Variants in PGM2L1 observed in about 807,000 individuals in gnomAD.
PGM2L1 encodes the protein phosphoglucomutase 2 like 1, also known as glucose 1,6-bisphosphate synthase.
PGM2L1 carries 35 observed loss-of-function variants against 73.4 expected under a neutral mutation model. That is an observed-to-expected ratio of 0.48 (90% CI 0.36 to 0.63). The LOEUF (loss-of-function observed/expected upper bound fraction) is 0.63, where lower values mean the gene tolerates loss of function less well. PGM2L1 is among the 30% of genes least tolerant of loss of function. The pLI is 0.00. For missense variants in PGM2L1, 570 were observed against 742.0 expected, an observed-to-expected ratio of 0.77 and a Z score of 2.69; for synonymous variants, 225 against 253.8, an observed-to-expected ratio of 0.89 and a Z score of 1.08.
intron 5 of PGM2L1, among the ~76,000 whole-genome samples, chr11:74,356,229 A>C (rs970388911): frequency 6.6e-6 from 1 of 152,160 alleles, no homozygotes; most frequent in African/African-American, 2.4e-5. Context: ...GTGTAGCTGA[A>C]CTGATAATTA....
chr11:74,389,870 G>A (rs1863068036), intron 1 of PGM2L1, among the ~76,000 whole-genome samples: 2 of 146,022 alleles, frequency 1.4e-5, no homozygotes, highest in Admixed American at 6.8e-5. Context: ...TTGTGAGGCC[G>A]AGGCGGGCGG....
Position 74,397,744 on chromosome 11 carries a change from G to GT in PGM2L1, c.111+306_111+307insA, listed in dbSNP as rs1565448427. 288 of 93,494 alleles carry GT rather than the reference G, an allele frequency of 3.1e-3. 1 individual carries two copies. Among genetic ancestry groups the GT allele is most frequent in the African/African-American group, 0.013 (265 of 20,458 alleles). 5.8% of individuals were successfully genotyped at this position (93,494 alleles called of 1,614,324 possible). A position where few individuals can be genotyped will look rare whatever the true frequency, so the allele number is the denominator to read the frequency against. ...TTAGGGTATAACTTACAATGATGAT[G>GT]ATTTTTTTTTTTTTTTTTTTGAAGA... On this transcript the variant is annotated intron_variant, in intron 1 of 13. Transcript: ENST00000298198.
At chr11:74,396,223 G>A (rs1454588410) in intron 1 of PGM2L1, among the ~76,000 whole-genome samples, 5 of 149,210 alleles carry the variant, frequency 3.4e-5, no homozygotes, top group African/African-American at 4.9e-5. Flanking sequence ...AGCGGAGATC[G>A]CGCCACTGCA....
chr11:74,339,309 A>G (rs1862147842), intron 12 of PGM2L1, among the ~76,000 whole-genome samples: 2 of 152,228 alleles, frequency 1.3e-5, no homozygotes, highest in Admixed American at 6.5e-5. Flanking sequence ...TAAAAAAAGA[A>G]GTGATGTTTT....
At chr11:74,343,482 T>C in intron 9 of PGM2L1, 66 bp from the exon 10 acceptor site, 1 of 1,568,934 alleles carries the variant, frequency 6.4e-7, no homozygotes, top group African/African-American at 1.4e-5. Context: ...GAGAAAAATC[T>C]GCCACTACAT....
chr11:74,376,067 C>T (rs1175046812), intron 1 of PGM2L1, among the ~76,000 whole-genome samples: 2 of 152,168 alleles, frequency 1.3e-5, no homozygotes, highest in Non-Finnish European at 2.9e-5. Flanking sequence ...AGTCTTTTTA[C>T]AGTGCTTTTA....
chr11:74,390,318 T>C (rs1487145236), intron 1 of PGM2L1, among the ~76,000 whole-genome samples: 1 of 152,148 alleles, frequency 6.6e-6, no homozygotes, highest in African/African-American at 2.4e-5. Flanking sequence ...ATTACTACAC[T>C]GTGTAGTTTT....
intron 9 of PGM2L1, 84 bp from the exon 10 acceptor site, chr11:74,343,500 A>C: frequency 6.5e-7 from 1 of 1,540,698 alleles, no homozygotes; most frequent in Non-Finnish European, 8.7e-7. Context: ...CATGCACACA[A>C]CGTTCATATA....
In PGM2L1 at chr11:74,340,166, C is replaced by T. The variant is rs12360843; in HGVS notation, c.1633-1565G>A. Among the ~76,000 whole-genome samples the T allele has an allele frequency of 3.4e-3, 524 of 152,298 alleles. 1 individual carries two copies. Among genetic ancestry groups the T allele is most frequent in the Non-Finnish European group, 6.0e-3 (407 of 68,022 alleles). The stretch of plus-strand genomic sequence containing the variant: ...ATGGAAAAGAGAGAATTCAGGAAGG[C>T]TTTGACACTTACTATGCAACCTTGG... On this transcript the variant is annotated intron_variant, in intron 12 of 13. Coordinates refer to ENST00000298198, the MANE Select transcript of PGM2L1 (RefSeq NM_173582.6).
intron 8 of PGM2L1, among the ~76,000 whole-genome samples, chr11:74,345,927 A>G (rs930936549): frequency 6.6e-6 from 1 of 152,158 alleles, no homozygotes; most frequent in Non-Finnish European, 1.5e-5. Flanking sequence ...CTTTCTATTT[A>G]AGGACATTTG....
chr11:74,398,132 G>A lies in PGM2L1; in HGVS notation c.30C>T (p.Asn10=). The A allele has an allele frequency of 6.2e-7, 1 of 1,613,098 alleles. No individual in the cohort carries two copies. Among genetic ancestry groups the A allele is most frequent in the Non-Finnish European group, 8.5e-7 (1 of 1,179,452 alleles). The change falls in exon 1 of 14, where the codon AAC becomes AAT. Residue 10 remains asparagine, a synonymous_variant. Transcript: ENST00000298198. MAENTEGDL[N]SNLLHAPYHT... ...GGTAGGGGGCGTGGAGCAGGTTGGA[G>A]TTCAGATCCCCCTCTGTGTTTTCAG...
At chr11:74,389,975 CA>C (rs1863073049) in intron 1 of PGM2L1, among the ~76,000 whole-genome samples, 1 of 42,066 alleles carries the variant, frequency 2.4e-5, no homozygotes, top group Non-Finnish European at 4.9e-5. Flanking sequence ...AAAAATTAGC[CA>C]GGCGTGGTGA....
At chr11:74,357,395 T>A (rs376153158) in intron 5 of PGM2L1, among the ~76,000 whole-genome samples, 8 of 152,142 alleles carry the variant, frequency 5.3e-5, no homozygotes, top group African/African-American at 1.9e-4. Context: ...ACCGAAAGAA[T>A]ACACAGATGG....
chr11:74,356,905 C>G (rs577827677), intron 5 of PGM2L1, among the ~76,000 whole-genome samples: 1 of 152,168 alleles, frequency 6.6e-6, no homozygotes, highest in East Asian at 1.9e-4. Flanking sequence ...GCAGTCTCGG[C>G]TCACTGCAAC....
chr11:74,373,605 T>C (rs770369428), intron 2 of PGM2L1, among the ~76,000 whole-genome samples: 1 of 152,180 alleles, frequency 6.6e-6, no homozygotes, highest in Non-Finnish European at 1.5e-5. Flanking sequence ...TGGAGAGAAG[T>C]AACACAAATT....
chr11:74,360,343 A>T (rs1353479521), intron 5 of PGM2L1, among the ~76,000 whole-genome samples: 3 of 151,772 alleles, frequency 2.0e-5, no homozygotes, highest in Non-Finnish European at 4.4e-5. Flanking sequence ...GAAAAAAAAA[A>T]GGCAGGTAAG....
In PGM2L1 at chr11:74,332,557, C is replaced by T. The variant is rs1271089086; in HGVS notation, c.*4095G>A. The stretch of plus-strand genomic sequence containing the variant: ...ACAGTAACAAAATGTGCAAGGGTGC[C>T]TAGGAAAAGTGGGAGGTAGAGAGAA... On this transcript the variant is annotated 3_prime_UTR_variant, in exon 14 of 14. Coordinates refer to ENST00000298198, the MANE Select transcript of PGM2L1 (RefSeq NM_173582.6). 6.6e-6 allele frequency: 1 copy of T among 152,398 alleles called. No homozygotes were observed. The highest frequency in any genetic ancestry group is 2.4e-5 in the African/African-American group (1 of 41,364). The allele number at this position is 152,398 out of a possible 1,614,324, so 9.4% of individuals were successfully genotyped here. A position where few individuals can be genotyped will look rare whatever the true frequency, so the allele number is the denominator to read the frequency against.
chr11:74,392,468 T>TA (rs879941353), intron 1 of PGM2L1, among the ~76,000 whole-genome samples: 57 of 144,398 alleles, frequency 3.9e-4, no homozygotes, highest in South Asian at 1.7e-3. Flanking sequence ...GTTCAGCTCT[T>TA]AAAAAAAAAA....
intron 1 of PGM2L1, among the ~76,000 whole-genome samples, chr11:74,394,701 CCTT>C (rs60918384): frequency 1.1e-4 from 16 of 152,256 alleles, no homozygotes; most frequent in African/African-American, 3.9e-4. Flanking sequence ...TCATAGTTCT[CCTT>C]ATGTTAGCAA....
Sources: gnomAD v4.1 joint callset for allele counts (sites outside exome capture counted in the v4.1 genomes callset) on GRCh38, gnomAD v4.1.1 for gene constraint, MANE v1.5 for transcripts, NCBI Gene and HGNC (gene_info 2026-07-23, HGNC 2026-07-21) for gene names.